MIB1: variants seen among roughly 807,000 people sequenced by gnomAD.
The protein encoded by MIB1 is E3 ubiquitin-protein ligase MIB1.
Under a neutral mutation model 124.5 loss-of-function variants are expected in MIB1, and 278 were observed. The ratio of observed to expected loss-of-function variants is 2.23; its 90% CI spans 2.02 to 2.47. The LOEUF is 2.47. Among genes scored for constraint, MIB1 ranks in the 30% most tolerant of loss-of-function variants. The pLI, the probability that MIB1 is intolerant of heterozygous loss-of-function variation, is 0.00. For synonymous variants in MIB1, 446 were observed against 429.4 expected (o/e 1.04, Z -0.48); for missense variants, 957 against 1,254.4 (o/e 0.76, Z 3.58).
chr18:21,780,990 CA>C (rs2041354711), intron 6 of MIB1, among the ~76,000 whole-genome samples: 1 of 152,166 alleles, frequency 6.6e-6, no homozygotes, highest in South Asian at 2.1e-4. Context: ...TTTAAAGTCC[CA>C]CCAACAGTCT....
chr18:21,856,236 C>CAAAAAAAAA (rs5823315), intron 18 of MIB1, among the ~76,000 whole-genome samples: 59 of 122,890 alleles, frequency 4.8e-4, no homozygotes, highest in African/African-American at 1.1e-3. Flanking sequence ...GACTCCGTCT[C>CAAAAAAAAA]AAAAAAAAAA....
At chr18:21,843,088 G>C (rs897333465) in intron 13 of MIB1, 43 bp from the exon 14 acceptor site, 1 of 1,424,146 alleles carries the variant, frequency 7.0e-7, no homozygotes, top group African/African-American at 1.4e-5. Context: ...GTTCTTTACT[G>C]TTGTCAAATT....
intron 2 of MIB1, 41 bp downstream of exon 2, chr18:21,765,984 T>C: frequency 1.9e-6 from 3 of 1,592,612 alleles, no homozygotes; most frequent in Non-Finnish European, 2.6e-6. Context: ...GGGTTTTTGT[T>C]TGTATTCAAG....
At position 21,731,930 on chromosome 18, in the gene MIB1, T is replaced by C. The variant is rs905713254; in HGVS notation, n.167+26807T>C. 3.3e-5 allele frequency among the ~76,000 whole-genome samples: 5 copies of C among 151,882 alleles called. 1 individual carries two copies. The highest frequency in any genetic ancestry group is 2.1e-4 in the South Asian group (1 of 4,816). ...GCAATGATTCTAGCCATTTTGTCCA[T>C]CCCTAAAGAACGGAGGGTACTGGGA... On this transcript the variant is annotated intron_variant and non_coding_transcript_variant, in intron 1 of 20. Transcript: ENST00000578646.
intron 1 of MIB1, among the ~76,000 whole-genome samples, chr18:21,750,002 A>G (rs1238516307): frequency 3.3e-5 from 5 of 152,000 alleles, no homozygotes; most frequent in Non-Finnish European, 5.9e-5. Flanking sequence ...AGTGAGTTAG[A>G]AATTTTATCA....
intron 12 of MIB1, chr18:21,828,030 A>G (rs940729105): frequency 6.6e-6 from 1 of 151,988 alleles, no homozygotes; most frequent in Admixed American, 6.6e-5. Context: ...TAAGAGCATT[A>G]TTTGGAATTT....
At chr18:21,849,552 T>C (rs1275388076) in intron 17 of MIB1, among the ~76,000 whole-genome samples, 164 bp downstream of exon 17, 2 of 152,206 alleles carry the variant, frequency 1.3e-5, no homozygotes, top group African/African-American at 4.8e-5. Context: ...TCAGAATTTC[T>C]TATTTTATTG....
At chr18:21,726,404 T>G (rs1163074720) in intron 1 of MIB1, among the ~76,000 whole-genome samples, 1 of 152,002 alleles carries the variant, frequency 6.6e-6, no homozygotes, top group Non-Finnish European at 1.5e-5. Flanking sequence ...AAAAAAATGG[T>G]TAATGAGAGA....
At chr18:21,758,139 G>T (rs2041056043) in intron 1 of MIB1, among the ~76,000 whole-genome samples, 1 of 152,184 alleles carries the variant, frequency 6.6e-6, no homozygotes, top group Admixed American at 6.5e-5. Flanking sequence ...TGTTGGGAAG[G>T]TTAAATAAAA....
chr18:21,844,950 A>G (rs368183775), intron 15 of MIB1, among the ~76,000 whole-genome samples: 2 of 151,538 alleles, frequency 1.3e-5, no homozygotes, highest in Non-Finnish European at 2.9e-5. Flanking sequence ...TGTAATCGGA[A>G]TACAAGTTCT....
chr18:21,741,885 G>T lies in MIB1; in HGVS notation c.229+73G>T, dbSNP rs1254932738. Reference sequence around the variant, plus strand: ...GCGAGCTGCGGTGGGCGTCGGTGTCGCGGGGAGAGGTCTGCAGTGGGACAC... The same window carrying T: ...GCGAGCTGCGGTGGGCGTCGGTGTCTCGGGGAGAGGTCTGCAGTGGGACAC... On this transcript the variant is annotated intron_variant, in intron 1 of 20. Transcript: ENST00000261537. The surrounding 1 kb of genome is among the most constrained non-coding windows in gnomAD (Gnocchi z 5.4). The T allele has an allele frequency of 7.4e-7, 1 of 1,355,166 alleles. No individual in the cohort carries two copies. The highest frequency in any genetic ancestry group is 1.0e-6 in the Non-Finnish European group (1 of 1,003,246). 83.9% of individuals were successfully genotyped at this position (1,355,166 alleles called of 1,614,324 possible).
At chr18:21,798,376 T>A in intron 8 of MIB1, 148 bp downstream of exon 8, 1 of 793,290 alleles carries the variant, frequency 1.3e-6, no homozygotes, top group Non-Finnish European at 1.8e-6. Context: ...GACCACCTTT[T>A]AAACTTTCAC....
upstream of MIB1, among the ~76,000 whole-genome samples, chr18:21,738,960 G>T (rs185333664): frequency 2.0e-5 from 3 of 149,344 alleles, no homozygotes; most frequent in Admixed American, 2.0e-4. Context: ...AGGAGGTAGA[G>T]ACACGAAAAA....
chr18:21,849,354 T>A lies in MIB1; in HGVS notation c.2552T>A (p.Leu851His), dbSNP rs745865594. 1 of 1,612,374 alleles carries A rather than the reference T, an allele frequency of 6.2e-7. No homozygotes were observed. Residue 851 changes from leucine to histidine, a missense_variant, in exon 17 of 21, where the codon CTC (leucine) becomes CAC (histidine). Leu to His is a moderately conservative substitution (Grantham distance 99). Transcript: ENST00000261537. ...SLCSPRVKKC[L>H]ICKEQVQSRT... is the part of the protein sequence containing the mutation. ...TGTTCTCCACGTGTCAAGAAATGCC[T>A]CATCTGTAAAGAACAGGTTCAATCC...
At chr18:21,757,487 C>CTTTT (rs749427675) in intron 1 of MIB1, among the ~76,000 whole-genome samples, 1 of 84,336 alleles carries the variant, frequency 1.2e-5, no homozygotes, top group Non-Finnish European at 2.4e-5. Flanking sequence ...AAAAGACAGT[C>CTTTT]TTTTTTTTTT....
At chr18:21,844,067 A>G (rs1424145269) in intron 14 of MIB1, 25 bp from the exon 15 acceptor site, 2 of 1,611,648 alleles carry the variant, frequency 1.2e-6, no homozygotes, top group Non-Finnish European at 1.7e-6. Context: ...ACACTTTGCC[A>G]AAATGAGACA....
intron 9 of MIB1, among the ~76,000 whole-genome samples, chr18:21,802,258 A>G (rs937434787): frequency 6.6e-6 from 1 of 152,042 alleles, no homozygotes; most frequent in East Asian, 1.9e-4. Flanking sequence ...ATCTTTTTTC[A>G]TCTATTGCTT....
intron 16 of MIB1, 52 bp downstream of exon 16, chr18:21,847,177 T>A (rs376344059): frequency 6.8e-7 from 1 of 1,474,588 alleles, no homozygotes; most frequent in Non-Finnish European, 9.3e-7. Context: ...GAAAATATCA[T>A]GTGGTTTCGT....
At chr18:21,788,809 C>T (rs1307225806) in intron 6 of MIB1, among the ~76,000 whole-genome samples, 5 of 152,182 alleles carry the variant, frequency 3.3e-5, no homozygotes, top group African/African-American at 1.2e-4. Flanking sequence ...AGTTGTCTTT[C>T]TGTACACTAA....
Sources: gnomAD v4.1 joint callset for allele counts (sites outside exome capture counted in the v4.1 genomes callset) on GRCh38, gnomAD v4.1.1 for gene constraint, Gnocchi (gnomAD v3.1) non-coding constraint, MANE v1.5 for transcripts, NCBI Gene and HGNC (gene_info 2026-07-23, HGNC 2026-07-21) for gene names.